Variants in VMA22 observed in about 807,000 individuals in gnomAD.
VMA22 encodes vacuolar ATPase assembly factor VMA22.
chr2:130,340,334 G>C, the VMA22 span: 10 of 172,436 alleles, frequency 5.8e-5, no homozygotes, highest in Middle Eastern at 2.9e-3. Flanking sequence ...CTGTGACCCT[G>C]TACAGCCAGT....
chr2:130,339,705 A>AC, the VMA22 span: 1 of 1,304,200 alleles, frequency 7.7e-7, no homozygotes, highest in Non-Finnish European at 1.0e-6. Context: ...AGCAGGGCTG[A>AC]CCACACATTG....
At chr2:130,342,453 G>A in the VMA22 span, 4 of 549,404 alleles carry the variant, frequency 7.3e-6, no homozygotes, top group East Asian at 5.8e-5. Flanking sequence ...GATGGAAGAA[G>A]GCGAAGCTCT....
At chr2:130,342,118 G>T in the VMA22 span, 1 of 1,613,462 alleles carries the variant, frequency 6.2e-7, no homozygotes, top group South Asian at 1.1e-5. Flanking sequence ...CAGGTCAAGC[G>T]CCGCCATGGA....
chr2:130,339,840 AG>A, the VMA22 span: 1 of 1,272,222 alleles, frequency 7.9e-7, no homozygotes. Context: ...CATACTCCCC[AG>A]GCCCTCTGCT....
the VMA22 span, chr2:130,338,244 G>C: frequency 6.6e-6 from 1 of 152,124 alleles, no homozygotes; most frequent in African/African-American, 2.4e-5. Flanking sequence ...ACAAAAGTTG[G>C]GTAGTGGTTA....
the VMA22 span, chr2:130,339,095 G>T: frequency 6.4e-7 from 1 of 1,562,460 alleles, no homozygotes. Context: ...AGCTGTGCTC[G>T]CTGCCCTGCC....
At chr2:130,341,801 G>C in the VMA22 span, 17 of 1,381,366 alleles carry the variant, frequency 1.2e-5, no homozygotes, top group South Asian at 2.6e-5. Flanking sequence ...CCTAGAACGC[G>C]CCCGCCCGCC....
chr2:130,339,002 AG>A, the VMA22 span: 1 of 699,352 alleles, frequency 1.4e-6, no homozygotes. Context: ...GGGACACAGA[AG>A]GGGCATTAGC....
chr2:130,338,826 T>G, the VMA22 span: 20 of 362,836 alleles, frequency 5.5e-5, no homozygotes, highest in East Asian at 1.3e-3. Flanking sequence ...AAAGCACAGC[T>G]GAGTGATCCA....
At chr2:130,337,989 C>A in the VMA22 span, among the ~76,000 whole-genome samples, 1 of 152,140 alleles carries the variant, frequency 6.6e-6, no homozygotes, top group Non-Finnish European at 1.5e-5. Context: ...GAATGAAAAC[C>A]CCCAAATTAC....
At chr2:130,339,280 C>CG in the VMA22 span, 1 of 1,535,712 alleles carries the variant, frequency 6.5e-7, no homozygotes, top group Non-Finnish European at 9.0e-7. Context: ...GTGTAACACA[C>CG]GACCCAGGAG....
At chr2:130,339,808 C>A in the VMA22 span, 1 of 1,296,884 alleles carries the variant, frequency 7.7e-7, no homozygotes, top group Non-Finnish European at 1.0e-6. Context: ...GGCTTCTCCC[C>A]TCTTCTCCCT....
At chr2:130,339,369 G>T in the VMA22 span, 1 of 1,339,238 alleles carries the variant, frequency 7.5e-7, no homozygotes, top group Non-Finnish European at 1.0e-6. Flanking sequence ...TCCAGGTACG[G>T]CCCTGCATTG....
At chr2:130,341,674 GCGAGGCCCCA>G in the VMA22 span, 1 of 1,610,954 alleles carries the variant, frequency 6.2e-7, no homozygotes, top group Non-Finnish European at 8.5e-7. Flanking sequence ...CACCTGCTTC[GCGAGGCCCCA>G]CCTCCTCTGG....
chr2:130,341,611 T>C, the VMA22 span: 1,238 of 1,397,246 alleles, frequency 8.9e-4, 1 homozygote, highest in Non-Finnish European at 1.2e-3. Flanking sequence ...TCTCCATAAT[T>C]TGCATTTTGT....
chr2:130,341,646 C>T, the VMA22 span: 1 of 1,598,630 alleles, frequency 6.3e-7, no homozygotes, highest in Non-Finnish European at 8.5e-7. Context: ...AGGGGTTCTG[C>T]AGAAGGAAGA....
chr2:130,341,651 G>A, the VMA22 span: 1 of 1,603,342 alleles, frequency 6.2e-7, no homozygotes, highest in South Asian at 1.1e-5. Flanking sequence ...TTCTGCAGAA[G>A]GAAGAGGGGG....
At chr2:130,341,168 G>A in the VMA22 span, 4 of 1,153,320 alleles carry the variant, frequency 3.5e-6, no homozygotes, top group Non-Finnish European at 4.7e-6. Flanking sequence ...TCCAACTTTG[G>A]GGTTCCAGGA....
chr2:130,338,138 G>A, the VMA22 span: 2 of 152,186 alleles, frequency 1.3e-5, no homozygotes, highest in Non-Finnish European at 2.9e-5. Context: ...AAATGCTGGA[G>A]AATTCCCTGA....
Sources: gnomAD v4.1 joint callset for allele counts (sites outside exome capture counted in the v4.1 genomes callset) on GRCh38, gnomAD v4.1.1 for gene constraint, MANE v1.5 for transcripts, NCBI Gene and HGNC (gene_info 2026-07-23, HGNC 2026-07-21) for gene names.